The following TBC1D22B variants were observed in gnomAD, a reference collection of about 807,000 sequenced individuals.
TBC1D22B encodes the protein chromosome 6 open reading frame 197.
In TBC1D22B, 32 loss-of-function variants were observed where a neutral mutation model predicts 69.1. The observed-to-expected ratio is 0.46, with a 90% CI of 0.35 to 0.62. TBC1D22B has a LOEUF of 0.62. Ranked by LOEUF, TBC1D22B falls within the 20% of genes least tolerant of loss-of-function variation. TBC1D22B has a pLI of 0.00. For missense variants in TBC1D22B, 462 were observed against 630.9 expected (o/e 0.73, Z 2.87); for synonymous variants, 206 against 229.8 (o/e 0.90, Z 0.94).
At chr6:37,313,489 CAA>C (rs60514210) in intron 9 of TBC1D22B, among the ~76,000 whole-genome samples, 117 of 141,388 alleles carry the variant, frequency 8.3e-4, no homozygotes, top group Middle Eastern at 3.5e-3. Context: ...GACCCTATCT[CAA>C]AAAAAAAAAA....
intron 12 of TBC1D22B, among the ~76,000 whole-genome samples, chr6:37,323,746 A>G (rs1768318178): frequency 6.6e-6 from 1 of 152,258 alleles, no homozygotes; most frequent in Non-Finnish European, 1.5e-5. Flanking sequence ...TGCCGAATGG[A>G]GGCCCTGTCT....
chr6:37,300,311 C>A (rs1315486353), intron 8 of TBC1D22B, among the ~76,000 whole-genome samples: 2 of 151,476 alleles, frequency 1.3e-5, no homozygotes, highest in Non-Finnish European at 2.9e-5. Flanking sequence ...TACCACACAG[C>A]TTAGATTTTT....
intron 2 of TBC1D22B, among the ~76,000 whole-genome samples, chr6:37,270,450 CA>C (rs1374404532): frequency 6.6e-6 from 1 of 151,478 alleles, no homozygotes; most frequent in Non-Finnish European, 1.5e-5. Context: ...GATGCCGTCT[CA>C]AAAAAATAAA....
intron 8 of TBC1D22B, among the ~76,000 whole-genome samples, chr6:37,306,945 T>C (rs1767738846): frequency 6.6e-6 from 1 of 152,166 alleles, no homozygotes; most frequent in Admixed American, 6.5e-5. Flanking sequence ...AATCTCGAAA[T>C]AAGTCTTTCC....
chr6:37,271,927 T>G (rs2113724461), intron 2 of TBC1D22B, among the ~76,000 whole-genome samples: 1 of 151,730 alleles, frequency 6.6e-6, no homozygotes, highest in African/African-American at 2.4e-5. Flanking sequence ...TTTTGTTCAT[T>G]ACTGTACCCA....
chr6:37,295,546 C>T, intron 8 of TBC1D22B: 1 of 382,650 alleles, frequency 2.6e-6, no homozygotes, highest in South Asian at 2.3e-5. Context: ...CTTCTGCTGG[C>T]ATGTCTTCTG....
Position 37,258,033 on chromosome 6 carries a change from C to T in TBC1D22B, c.56+60C>T, listed in dbSNP as rs186437763. On this transcript the variant is annotated intron_variant, in intron 1 of 12. Transcript: ENST00000373491. ...GACCAAACCCTTCCAGATCCTAATC[C>T]CTGAATCCCGCGGGCCTGGGGCGCC... 1.5e-5 allele frequency: 24 copies of T among 1,575,860 alleles called. No individual in the cohort carries two copies. The African/African-American group carries it at 2.8e-4, about 19-fold the overall frequency.
In TBC1D22B at chr6:37,289,582, G is replaced by A. The variant is rs921446275; in HGVS notation, c.868-1661G>A. Among the ~76,000 whole-genome samples the A allele has an allele frequency of 2.0e-5, 3 of 152,278 alleles. No individual in the cohort carries two copies. The East Asian group carries it at 5.8e-4, about 29-fold the overall frequency. ...TGTACTTGGCCATTGTTACAGCCAG[G>A]CGCCAAGGATTTGAGTATTTACAAG... On this transcript the variant is annotated intron_variant, in intron 7 of 12. Transcript: ENST00000373491.
intron 2 of TBC1D22B, among the ~76,000 whole-genome samples, chr6:37,274,820 G>A (rs1444494138): frequency 6.6e-6 from 1 of 152,204 alleles, no homozygotes; most frequent in Non-Finnish European, 1.5e-5. Context: ...AGAGGCCAAG[G>A]TGGGCAGATC....
At chr6:37,299,691 A>C (rs777325594) in intron 8 of TBC1D22B, among the ~76,000 whole-genome samples, 1 of 151,712 alleles carries the variant, frequency 6.6e-6, no homozygotes, top group Non-Finnish European at 1.5e-5. Context: ...TTGCTTAGGA[A>C]CTCTTTCCTT....
In TBC1D22B at chr6:37,279,534, A is replaced by G; in HGVS notation, c.344A>G (p.Gln115Arg). ...SKLRVKPERS[Q>R]STTSDVPANY... ...CTGAGAGTAAAACCAGAACGGTCCC[A>G]GTCAACGACATCGGACGTCCCTGCC... is the stretch of plus-strand genomic sequence containing the variant. Residue 115 changes from glutamine to arginine, a missense_variant, in exon 3 of 13, where the codon CAG (glutamine) becomes CGG (arginine). By Grantham distance (43) the Gln-to-Arg change is conservative (BLOSUM62 1). Around this residue, in one of 2 missense-constraint regions of TBC1D22B, gnomAD observed 237 missense variants for 255.4 expected, o/e 0.93. Transcript: ENST00000373491. The G allele has an allele frequency of 6.2e-7, 1 of 1,614,248 alleles. No individual in the cohort carries two copies.
At chr6:37,315,869 C>G (rs1195156100) in intron 10 of TBC1D22B, among the ~76,000 whole-genome samples, 2 of 152,210 alleles carry the variant, frequency 1.3e-5, no homozygotes, top group Non-Finnish European at 2.9e-5. Flanking sequence ...GCCACAGCAC[C>G]TGGCCATAAC....
chr6:37,287,690 T>C (rs1414340212), intron 7 of TBC1D22B, among the ~76,000 whole-genome samples: 3 of 152,254 alleles, frequency 2.0e-5, no homozygotes, highest in Non-Finnish European at 2.9e-5. Context: ...TCATCCCTGT[T>C]GTTGCATGTG....
At chr6:37,266,971 C>G (rs1423400888) in intron 1 of TBC1D22B, among the ~76,000 whole-genome samples, 1 of 100,972 alleles carries the variant, frequency 9.9e-6, no homozygotes, top group African/African-American at 4.0e-5. Context: ...AGGACTTACT[C>G]TGTTGCCCAG....
intron 12 of TBC1D22B, among the ~76,000 whole-genome samples, chr6:37,327,829 A>C (rs1213261172): frequency 6.6e-6 from 1 of 151,260 alleles, no homozygotes; most frequent in Non-Finnish European, 1.5e-5. Context: ...TGGGATGTGC[A>C]CTCCTCCGGG....
At chr6:37,294,606 A>T (rs903499067) in intron 8 of TBC1D22B, among the ~76,000 whole-genome samples, 1 of 152,190 alleles carries the variant, frequency 6.6e-6, no homozygotes, top group Non-Finnish European at 1.5e-5. Context: ...TACCATTCCA[A>T]AAACCCTAGG....
At chr6:37,276,898 A>G (rs912195288) in intron 2 of TBC1D22B, among the ~76,000 whole-genome samples, 1 of 151,412 alleles carries the variant, frequency 6.6e-6, no homozygotes, top group African/African-American at 2.5e-5. Flanking sequence ...TTCAAAACAA[A>G]CAAAAATATA....
At chr6:37,280,726 G>C (rs1766798547) in intron 3 of TBC1D22B, among the ~76,000 whole-genome samples, 1 of 152,250 alleles carries the variant, frequency 6.6e-6, no homozygotes, top group South Asian at 2.1e-4. Context: ...GCCGGCATCT[G>C]TCTGTAAATA....
chr6:37,288,383 C>T (rs1473342672), intron 7 of TBC1D22B, among the ~76,000 whole-genome samples: 1 of 152,166 alleles, frequency 6.6e-6, no homozygotes, highest in Non-Finnish European at 1.5e-5. Flanking sequence ...TGCATGCTTA[C>T]TCTGAATTTG....
Sources: gnomAD v4.1 joint callset for allele counts (sites outside exome capture counted in the v4.1 genomes callset) on GRCh38, gnomAD v4.1.1 for gene constraint, gnomAD v4.1.1 regional missense constraint, MANE v1.5 for transcripts, NCBI Gene and HGNC (gene_info 2026-07-23, HGNC 2026-07-21) for gene names.